The following OR6J1 variants were observed in gnomAD, a reference collection of about 807,000 sequenced individuals.
OR6J1 encodes the protein olfactory receptor 6J1.
For synonymous variants in OR6J1, 109 were observed against 70.0 expected (o/e 1.56, Z -2.78); for missense variants, 304 against 166.8 (o/e 1.82, Z -4.53).
chr14:22,643,930 C>T (rs919706764), intron 1 of OR6J1, among the ~76,000 whole-genome samples, 168 bp downstream of exon 1: 2 of 152,172 alleles, frequency 1.3e-5, no homozygotes, highest in African/African-American at 4.8e-5. Flanking sequence ...TCATTTAACT[C>T]TCAAAATACA....
In OR6J1 at chr14:22,634,356, G is replaced by A. The variant is rs191005489; in HGVS notation, c.456C>T (p.Phe152=). The A allele has an allele frequency of 4.3e-6, 3 of 703,298 alleles. No homozygotes were observed. The highest frequency in any genetic ancestry group is 2.7e-5 in the East Asian group (1 of 37,290). 43.6% of individuals were successfully genotyped at this position (703,298 alleles called of 1,614,324 possible). Residue 152 remains phenylalanine, a synonymous_variant, in exon 2 of 2, where the codon TTC becomes TTT. Coordinates refer to ENST00000540461, the MANE Select transcript of OR6J1 (RefSeq NM_001348233.2). ...GTVVFSWVGG[F]LSVLFPTILI... ...GGATGGTTGGAAAGAGCACAGACAG[G>A]AAGCCTCCCACCCAAGAGAATACAA...
intron 1 of OR6J1, among the ~76,000 whole-genome samples, chr14:22,640,038 A>G (rs1449938358): frequency 2.0e-5 from 3 of 151,948 alleles, no homozygotes; most frequent in African/African-American, 7.3e-5. Flanking sequence ...GCATAAATTT[A>G]TATAATTGCT....
At chr14:22,637,140 C>T (rs1182331441) in intron 1 of OR6J1, among the ~76,000 whole-genome samples, 4 of 115,308 alleles carry the variant, frequency 3.5e-5, no homozygotes, top group Admixed American at 1.5e-4. Context: ...TCTGCCCGGC[C>T]GCCCTGTCTG....
chr14:22,643,857 G>C (rs1175499473), intron 1 of OR6J1, among the ~76,000 whole-genome samples: 4 of 150,494 alleles, frequency 2.7e-5, no homozygotes, highest in Non-Finnish European at 5.9e-5. Context: ...GAATAGTATG[G>C]AGGATGAATT....
chr14:22,633,734 A>T lies in OR6J1; in HGVS notation c.*34T>A. The T allele has an allele frequency of 1.6e-6, 1 of 636,542 alleles. No homozygotes were observed. Among genetic ancestry groups the T allele is most frequent in the South Asian group, 1.8e-5 (1 of 54,528 alleles). The allele number at this position is 636,542 out of a possible 1,614,324, so 39.4% of individuals were successfully genotyped here. On this transcript the variant is annotated 3_prime_UTR_variant, in exon 2 of 2. Transcript: ENST00000540461. ...ATAGACTATTCAGAATTCCTTAGCT[A>T]GCTCACTCTTTCACTAAGGCAGCTC...
At chr14:22,641,427 G>GAA (rs1471708549) in intron 1 of OR6J1, among the ~76,000 whole-genome samples, 28 of 73,392 alleles carry the variant, frequency 3.8e-4, no homozygotes, top group African/African-American at 1.9e-3. Flanking sequence ...GGAAGAGAAA[G>GAA]AAAGAAAGAA....
intron 1 of OR6J1, among the ~76,000 whole-genome samples, chr14:22,638,761 G>A (rs1334117221): frequency 6.6e-6 from 1 of 152,118 alleles, no homozygotes; most frequent in Non-Finnish European, 1.5e-5. Flanking sequence ...AAGTGTTGAC[G>A]AGGATGTGGA....
chr14:22,641,231 A>G (rs2037644593), intron 1 of OR6J1, among the ~76,000 whole-genome samples: 1 of 36,400 alleles, frequency 2.7e-5, no homozygotes, highest in South Asian at 9.9e-4. Context: ...GAAAGAAAGA[A>G]AGAAAGAAAG....
At chr14:22,643,756 C>CAGAGAGAGAGAGAG (rs1193688098) in intron 1 of OR6J1, among the ~76,000 whole-genome samples, 3 of 73,152 alleles carry the variant, frequency 4.1e-5, no homozygotes, top group Admixed American at 3.7e-4. Flanking sequence ...CACACACACA[C>CAGAGAGAGAGAGAG]ACACACACAG....
At chr14:22,641,285 G>GGA (rs1742752004) in intron 1 of OR6J1, among the ~76,000 whole-genome samples, 1 of 69,254 alleles carries the variant, frequency 1.4e-5, no homozygotes, top group African/African-American at 5.9e-5. Flanking sequence ...AAGGAAGAAA[G>GGA]AGAAGAAAGA....
At chr14:22,635,371 T>C (rs566545626) in intron 1 of OR6J1, among the ~76,000 whole-genome samples, 1 of 152,344 alleles carries the variant, frequency 6.6e-6, no homozygotes, top group Non-Finnish European at 1.5e-5. Flanking sequence ...TCAAAATGTA[T>C]TATTAAGTTT....
intron 1 of OR6J1, among the ~76,000 whole-genome samples, chr14:22,643,630 C>A (rs2037667076): frequency 6.6e-6 from 1 of 151,380 alleles, no homozygotes. Flanking sequence ...TAGCATGGAT[C>A]ATTGCCAAGG....
chr14:22,634,732 A>G lies in OR6J1; in HGVS notation c.80T>C (p.Leu27Pro). Residue 27 changes from leucine (L) to proline (P), a missense_variant, in exon 2 of 2, where the codon CTG becomes CCG. Leu to Pro is a moderately conservative substitution (Grantham distance 98). Coordinates refer to ENST00000540461, the MANE Select transcript of OR6J1 (RefSeq NM_001348233.2). ...SLSREVELLL[L>P]VLLLPTFLLT... ...CAGGAACGTGGGCAGCAGGAGCACC[A>G]GGAGCAGCAGCTCCACCTCCCTGCT... is the stretch of plus-strand genomic sequence containing the variant. The G allele has an allele frequency of 1.4e-6, 1 of 709,766 alleles. No homozygotes were observed. The highest frequency in any genetic ancestry group is 2.6e-6 in the Non-Finnish European group (1 of 387,892). The allele number at this position is 709,766 out of a possible 1,614,324, so 44.0% of individuals were successfully genotyped here.
Position 22,634,106 on chromosome 14 carries a change from C to A in OR6J1, c.706G>T (p.Ala236Ser), listed in dbSNP as rs750500929. ...AGGTGGGAAGCACAGGTATTAAAGG[C>A]CTTCTTCCTTCCACTTGCAGAAGGA... ...RIPSASGRKK[A>S]FNTCASHLTI... Residue 236 changes from alanine (A) to serine (S), a missense_variant, in exon 2 of 2, where the codon GCC becomes TCC. Ala to Ser is a moderately conservative substitution (Grantham distance 99). Transcript: ENST00000540461. 3 of 703,094 alleles carry A rather than the reference C, an allele frequency of 4.3e-6. No individual in the cohort carries two copies. Among genetic ancestry groups the A allele is most frequent in the South Asian group, 1.5e-5 (1 of 67,576 alleles). The allele number at this position is 703,094 out of a possible 1,614,324, so 43.6% of individuals were successfully genotyped here. A position where few individuals can be genotyped will look rare whatever the true frequency, so the allele number is the denominator to read the frequency against.
intron 1 of OR6J1, among the ~76,000 whole-genome samples, chr14:22,636,487 T>C (rs2037587318): frequency 1.1e-5 from 1 of 92,716 alleles, no homozygotes; most frequent in Admixed American, 9.6e-5. Context: ...GCTGCTGCCA[T>C]CTCGGCTCAC....
At chr14:22,638,796 G>T (rs1206049077) in intron 1 of OR6J1, among the ~76,000 whole-genome samples, 1 of 90,674 alleles carries the variant, frequency 1.1e-5, no homozygotes, top group African/African-American at 5.3e-5. Flanking sequence ...ACACTGCTAG[G>T]TGAGGAGCCC....
At chr14:22,638,676 A>T (rs9707554) in intron 1 of OR6J1, among the ~76,000 whole-genome samples, 1 of 43,888 alleles carries the variant, frequency 2.3e-5, no homozygotes, top group African/African-American at 4.9e-5. Flanking sequence ...AAAAAAAAAT[A>T]AAAAAAATTA....
chr14:22,643,764 C>CAGAGAGAGAGAGAGAGAGAG (rs1233027589), intron 1 of OR6J1, among the ~76,000 whole-genome samples: 2 of 37,694 alleles, frequency 5.3e-5, no homozygotes, highest in Admixed American at 5.9e-4. Flanking sequence ...CACACACACA[C>CAGAGAGAGAGAGAGAGAGAG]AGAGAGAGAG....
intron 1 of OR6J1, among the ~76,000 whole-genome samples, chr14:22,641,945 C>A (rs549997696): frequency 6.6e-6 from 1 of 152,058 alleles, no homozygotes; most frequent in Non-Finnish European, 1.5e-5. Context: ...GCAGAGGCCA[C>A]GTAATTACCA....
Sources: allele counts gnomAD v4.1 joint callset (sites outside exome capture counted in the v4.1 genomes callset), GRCh38; gene constraint gnomAD v4.1.1; transcripts MANE v1.5; gene names NCBI Gene and HGNC (gene_info 2026-07-23, HGNC 2026-07-21).